GAS7: variants seen among roughly 807,000 people sequenced by gnomAD.
GAS7 encodes growth arrest-specific protein 7.
GAS7 carries 28 observed loss-of-function variants against 71.1 expected under a neutral mutation model. The observed-to-expected ratio is 0.39, with a 90% CI of 0.29 to 0.54. The LOEUF is 0.54. Ranked by LOEUF, GAS7 falls within the 20% of genes least tolerant of loss-of-function variation. The pLI, the probability that GAS7 is intolerant of heterozygous loss-of-function variation, is 0.62. For synonymous variants in GAS7, 258 were observed against 245.8 expected (o/e 1.05, Z -0.46); for missense variants, 436 against 627.8 (o/e 0.69, Z 3.27).
At chr17:9,973,171 A>G (rs1383268322) in intron 3 of GAS7, among the ~76,000 whole-genome samples, 1 of 152,236 alleles carries the variant, frequency 6.6e-6, no homozygotes, top group East Asian at 1.9e-4. Context: ...CAGATAAGCC[A>G]GGGTAATTTG....
At chr17:10,059,746 A>G in intron 1 of GAS7, 21 of 985,272 alleles carry the variant, frequency 2.1e-5, no homozygotes, top group Non-Finnish European at 2.5e-5. Flanking sequence ...ATTTTCTGCC[A>G]CCATCCCCAC....
chr17:10,188,034 A>G (rs1008930753), intron 1 of GAS7, among the ~76,000 whole-genome samples: 1 of 152,190 alleles, frequency 6.6e-6, no homozygotes, highest in African/African-American at 2.4e-5. Context: ...ATTTGAGGTC[A>G]GGAGTTCGAG....
At chr17:10,167,042 G>GTTTTTTTTT (rs2074299307) in intron 1 of GAS7, among the ~76,000 whole-genome samples, 2 of 46,600 alleles carry the variant, frequency 4.3e-5, no homozygotes, top group Admixed American at 2.6e-4. Flanking sequence ...ATTTCCATTT[G>GTTTTTTTTT]TCTTTTTTTT....
intron 1 of GAS7, among the ~76,000 whole-genome samples, chr17:10,162,104 G>A (rs1036365522): frequency 3.3e-5 from 5 of 149,618 alleles, no homozygotes; most frequent in Non-Finnish European, 5.9e-5. Context: ...TTCCCAGAAT[G>A]CTGGCAGAAC....
intron 5 of GAS7, among the ~76,000 whole-genome samples, chr17:9,957,382 A>G (rs1490066597): frequency 6.6e-6 from 1 of 152,162 alleles, no homozygotes; most frequent in Non-Finnish European, 1.5e-5. Flanking sequence ...GGGGCCCAAC[A>G]AGGGCCGCCA....
At chr17:9,958,947 A>G (rs986208826) in intron 5 of GAS7, 6 of 1,382,660 alleles carry the variant, frequency 4.3e-6, no homozygotes, top group Non-Finnish European at 2.8e-6. Context: ...CCCTGAAAAA[A>G]CGGCTTCTGC....
At chr17:10,071,650 C>T (rs1269657650) in intron 1 of GAS7, among the ~76,000 whole-genome samples, 1 of 152,124 alleles carries the variant, frequency 6.6e-6, no homozygotes, top group Non-Finnish European at 1.5e-5. Flanking sequence ...AAAGGCCAGG[C>T]GCAGTGGCTC....
At chr17:9,943,006 C>G (rs2068658579) in intron 7 of GAS7, 115 bp downstream of exon 7, 17 of 646,278 alleles carry the variant, frequency 2.6e-5, no homozygotes, top group South Asian at 2.1e-4. Context: ...CTGGCGCTAA[C>G]CAGCCCAATG....
At chr17:10,082,117 A>G (rs1429523605) in intron 1 of GAS7, among the ~76,000 whole-genome samples, 1 of 152,370 alleles carries the variant, frequency 6.6e-6, no homozygotes, top group East Asian at 1.9e-4. Context: ...TGAAAAAAGT[A>G]AATTACCAAG....
At position 9,931,790 on chromosome 17, in the gene GAS7, T is replaced by C. The variant is rs1354794251; in HGVS notation, c.885+2376A>G. ...GTGTCAACTCAATCTTGGGGCACAC[T>C]AAGCCATGGGGAGCTGTAGCAGCTC... is the stretch of plus-strand genomic sequence containing the variant. On this transcript the variant is annotated intron_variant, in intron 9 of 13. Coordinates refer to ENST00000432992, the MANE Select transcript of GAS7 (RefSeq NM_201433.2). Among the ~76,000 whole-genome samples the C allele has an allele frequency of 2.0e-5, 3 of 152,296 alleles. No individual in the cohort carries two copies. The South Asian group carries it at 6.2e-4, about 32-fold the overall frequency.
At chr17:9,961,763 T>C (rs566807044) in intron 4 of GAS7, among the ~76,000 whole-genome samples, 1 of 152,266 alleles carries the variant, frequency 6.6e-6, no homozygotes, top group East Asian at 1.9e-4. Flanking sequence ...ATCATGAAAT[T>C]GGGGCTTGCA....
chr17:9,916,032 G>A lies in GAS7; in HGVS notation c.*1196C>T, dbSNP rs180927735. The stretch of plus-strand genomic sequence containing the variant: ...TGCAGGGCTCTGGAATGTCCAGAAG[G>A]AGCGGGAAGCAAAGGTGGCGGGACA... On this transcript the variant is annotated 3_prime_UTR_variant, in exon 14 of 14. Transcript: ENST00000432992. 5.6e-5 allele frequency: 13 copies of A among 233,166 alleles called. No homozygotes were observed. The East Asian group carries it at 7.3e-4, about 13-fold the overall frequency. The allele number at this position is 233,166 out of a possible 1,614,324, so 14.4% of individuals were successfully genotyped here. A position where few individuals can be genotyped will look rare whatever the true frequency, so the allele number is the denominator to read the frequency against.
At chr17:10,106,232 G>T (rs867438761) in intron 1 of GAS7, among the ~76,000 whole-genome samples, 45 of 152,308 alleles carry the variant, frequency 3.0e-4, no homozygotes, top group African/African-American at 9.9e-4. Context: ...TGGAGCACCT[G>T]CCCTGCTTCT....
At chr17:10,100,915 C>T (rs1466027096) in intron 1 of GAS7, among the ~76,000 whole-genome samples, 1 of 152,148 alleles carries the variant, frequency 6.6e-6, no homozygotes, top group African/African-American at 2.4e-5. Context: ...ACTGCCTTTG[C>T]TTCTTCTATT....
Position 9,925,708 on chromosome 17 carries a change from G to T in GAS7, c.1015-109C>A. The T allele has an allele frequency of 6.6e-6, 8 of 1,218,538 alleles. No homozygotes were observed. The South Asian group carries it at 1.1e-4, about 16-fold the overall frequency. The allele number at this position is 1,218,538 out of a possible 1,614,324, so 75.5% of individuals were successfully genotyped here. A position where few individuals can be genotyped will look rare whatever the true frequency, so the allele number is the denominator to read the frequency against. ...GAGTCCTTTCGCCCCTTGTTTGTGTGGATGATGCCACAGTGGTCCAGAGAG... is the reference window on the plus strand; with the variant it reads ...GAGTCCTTTCGCCCCTTGTTTGTGTTGATGATGCCACAGTGGTCCAGAGAG... On this transcript the variant is annotated intron_variant, in intron 10 of 13. Transcript: ENST00000432992.
chr17:10,068,576 C>G (rs985537779), intron 1 of GAS7, among the ~76,000 whole-genome samples: 4 of 148,626 alleles, frequency 2.7e-5, no homozygotes, highest in African/African-American at 9.9e-5. Flanking sequence ...GACAACATAG[C>G]AAAACCCTGT....
chr17:10,164,538 C>T lies in GAS7; in HGVS notation c.183+33670G>A, dbSNP rs114820045. On this transcript the variant is annotated intron_variant, in intron 1 of 13. Transcript: ENST00000432992. ...ACTAGCCAGGTGTGGTGGTGTGAAC[C>T]TATAGTCCAAGCTACTAGGGAGGCT... 8.1e-3 allele frequency among the ~76,000 whole-genome samples: 1,225 copies of T among 151,580 alleles called. 15 individuals are homozygous for T. Among genetic ancestry groups the T allele is most frequent in the African/African-American group, 0.029 (1,180 of 41,326 alleles).
rs59291535 is a variant in GAS7 at position 9,938,208 on chromosome 17, T to G, written c.806+1918A>C. ...CCCTGATCTGATAGGATTAGTGTCCTTATAAAAATAGACATTGGCCAGGCG... is the reference window on the plus strand; with the variant it reads ...CCCTGATCTGATAGGATTAGTGTCCGTATAAAAATAGACATTGGCCAGGCG... On this transcript the variant is annotated intron_variant, in intron 8 of 13. Transcript: ENST00000432992. Among the ~76,000 whole-genome samples, 479 of 152,142 alleles carry G rather than the reference T, an allele frequency of 3.1e-3. 2 individuals carry two copies. Among genetic ancestry groups the G allele is most frequent in the African/African-American group, 0.011 (461 of 41,518 alleles).
At chr17:10,005,225 GTA>G (rs2071466685) in intron 2 of GAS7, among the ~76,000 whole-genome samples, 3 of 94,760 alleles carry the variant, frequency 3.2e-5, no homozygotes, top group African/African-American at 1.7e-4. Context: ...GCGTGTGCAT[GTA>G]TGTGTATGTG....
Sources: gnomAD v4.1 joint callset for allele counts (sites outside exome capture counted in the v4.1 genomes callset) on GRCh38, gnomAD v4.1.1 for gene constraint, MANE v1.5 for transcripts, NCBI Gene and HGNC (gene_info 2026-07-23, HGNC 2026-07-21) for gene names.